The following OLFM3 variants were observed in gnomAD, a reference collection of about 807,000 sequenced individuals.
The protein encoded by OLFM3 is noelin-3.
A neutral mutation model predicts 48.6 loss-of-function variants in OLFM3; 20 were observed. The ratio of observed to expected loss-of-function variants is 0.41; its 90% CI spans 0.29 to 0.60. OLFM3 has a LOEUF of 0.60. Among genes scored for constraint, OLFM3 ranks in the 20% least tolerant of loss-of-function variants. The pLI is 0.28. For missense variants in OLFM3, 437 were observed against 544.3 expected (o/e 0.80, Z 1.96); for synonymous variants, 222 against 198.1 (o/e 1.12, Z -1.01).
intron 1 of OLFM3, among the ~76,000 whole-genome samples, chr1:101,842,069 A>C (rs1445909606): frequency 6.6e-6 from 1 of 152,182 alleles, no homozygotes; most frequent in African/African-American, 2.4e-5. Context: ...GTTCTGGAGG[A>C]TGTTAATAAA....
intron 1 of OLFM3, among the ~76,000 whole-genome samples, chr1:101,944,241 T>C (rs2101062918): frequency 6.6e-6 from 1 of 152,218 alleles, no homozygotes; most frequent in East Asian, 1.9e-4. Flanking sequence ...AATTAAGAGC[T>C]TACTTTACAT....
chr1:101,956,088 T>TGG (rs200570353), intron 1 of OLFM3, among the ~76,000 whole-genome samples: 4,898 of 113,864 alleles, frequency 0.043, 111 homozygotes, highest in South Asian at 0.094. Flanking sequence ...AATAACAGGT[T>TGG]TTTTTTTTTT....
At chr1:101,870,576 C>T (rs1657040418) in intron 1 of OLFM3, among the ~76,000 whole-genome samples, 1 of 152,152 alleles carries the variant, frequency 6.6e-6, no homozygotes, top group African/African-American at 2.4e-5. Context: ...TGCTACGTTT[C>T]TAATGCCTCT....
chr1:101,878,421 G>T (rs191457149), intron 1 of OLFM3, among the ~76,000 whole-genome samples: 1 of 152,032 alleles, frequency 6.6e-6, no homozygotes, highest in Admixed American at 6.6e-5. Context: ...ATTCATATAT[G>T]TTGGGTCACC....
intron 1 of OLFM3, among the ~76,000 whole-genome samples, chr1:101,983,017 T>C (rs895992868): frequency 3.3e-5 from 5 of 152,224 alleles, no homozygotes; most frequent in African/African-American, 1.2e-4. Context: ...TCACCTTGTT[T>C]GGAGTTAAGA....
intron 1 of OLFM3, among the ~76,000 whole-genome samples, chr1:101,888,440 T>C (rs1470231972): frequency 6.6e-6 from 1 of 152,164 alleles, no homozygotes; most frequent in African/African-American, 2.4e-5. Flanking sequence ...GAAAACTGGC[T>C]AGGCATATGT....
intron 4 of OLFM3, among the ~76,000 whole-genome samples, chr1:101,806,973 C>T (rs1653806323): frequency 6.6e-6 from 1 of 151,642 alleles, no homozygotes; most frequent in African/African-American, 2.4e-5. Context: ...AAAGCCAAAA[C>T]CAAACAGAAA....
chr1:101,807,058 C>T lies in OLFM3; in HGVS notation c.593-876G>A, dbSNP rs899452227. Among the ~76,000 whole-genome samples the T allele has an allele frequency of 2.6e-5, 4 of 151,572 alleles. No individual in the cohort carries two copies. The East Asian group carries it at 7.8e-4, about 29-fold the overall frequency. On this transcript the variant is annotated intron_variant, in intron 4 of 5. Coordinates refer to ENST00000370103, the MANE Select transcript of OLFM3 (RefSeq NM_058170.4). ...CTGTATTTTAAAATAATGTTTTTGTCCCTTTACCTGGATTATATTAGTTTG... is the reference window on the plus strand; with the variant it reads ...CTGTATTTTAAAATAATGTTTTTGTTCCTTTACCTGGATTATATTAGTTTG...
intron 4 of OLFM3, among the ~76,000 whole-genome samples, chr1:101,817,615 T>A (rs1654399606): frequency 6.6e-6 from 1 of 152,072 alleles, no homozygotes; most frequent in Non-Finnish European, 1.5e-5. Flanking sequence ...TTTGTTTACA[T>A]ATATATAATT....
At chr1:101,966,701 C>G (rs965544683) in intron 1 of OLFM3, among the ~76,000 whole-genome samples, 2 of 152,132 alleles carry the variant, frequency 1.3e-5, no homozygotes, top group Non-Finnish European at 2.9e-5. Context: ...CCCTAACATT[C>G]TATTTGACAC....
intron 1 of OLFM3, among the ~76,000 whole-genome samples, chr1:101,864,542 G>GT (rs758881784): frequency 6.6e-6 from 1 of 152,116 alleles, no homozygotes; most frequent in Non-Finnish European, 1.5e-5. Context: ...CACAATTACT[G>GT]TTTTTTGTTA....
chr1:101,850,413 TA>T lies in OLFM3; in HGVS notation c.70-13389del, dbSNP rs531348934. On this transcript the variant is annotated intron_variant, in intron 1 of 5. Transcript: ENST00000370103. ...ATATAGTAAATAATAAATAAGCAAA[TA>T]AATATTGAGTGAGAATGACTCATAG... is the stretch of plus-strand genomic sequence containing the variant. 1.8e-3 allele frequency among the ~76,000 whole-genome samples: 277 copies of T among 152,212 alleles called. 3 individuals carry two copies. Among genetic ancestry groups the T allele is most frequent in the African/African-American group, 6.5e-3 (271 of 41,548 alleles).
chr1:101,939,356 T>A (rs546946362), intron 1 of OLFM3, among the ~76,000 whole-genome samples: 9 of 152,322 alleles, frequency 5.9e-5, no homozygotes, highest in East Asian at 3.9e-4. Context: ...GGCTTTTTTT[T>A]AATTCATGTG....
chr1:101,933,321 C>G (rs1659513957), intron 1 of OLFM3, among the ~76,000 whole-genome samples: 1 of 148,044 alleles, frequency 6.8e-6, no homozygotes, highest in South Asian at 2.1e-4. Flanking sequence ...AATACGATCA[C>G]AAGTATTAAC....
intron 1 of OLFM3, among the ~76,000 whole-genome samples, chr1:101,913,685 G>GAA (rs5776609): frequency 2.2e-5 from 3 of 137,272 alleles, no homozygotes; most frequent in African/African-American, 5.3e-5. Flanking sequence ...AAGCCCTACA[G>GAA]AAAAAAAAAA....
chr1:101,852,526 G>C (rs1007263333), intron 1 of OLFM3, among the ~76,000 whole-genome samples: 1 of 151,918 alleles, frequency 6.6e-6, no homozygotes, highest in Non-Finnish European at 1.5e-5. Context: ...TCATCTATAT[G>C]CTAATGATTC....
chr1:101,826,886 T>C (rs1654889576), intron 3 of OLFM3, among the ~76,000 whole-genome samples: 1 of 152,232 alleles, frequency 6.6e-6, no homozygotes, highest in Non-Finnish European at 1.5e-5. Context: ...CATTCTACTA[T>C]GGGCATATTT....
At chr1:101,974,510 C>T (rs111522518) in intron 1 of OLFM3, among the ~76,000 whole-genome samples, 12 of 152,168 alleles carry the variant, frequency 7.9e-5, no homozygotes, top group South Asian at 4.2e-4. Context: ...GACATTGTAA[C>T]GGTGGCTCTT....
chr1:101,942,048 C>T lies in OLFM3; in HGVS notation c.69+54700G>A, dbSNP rs539838789. Among the ~76,000 whole-genome samples the T allele has an allele frequency of 1.4e-3, 217 of 152,176 alleles. 3 individuals carry two copies. The highest frequency in any genetic ancestry group is 4.6e-3 in the African/African-American group (191 of 41,496). ...AGAGATATGAAAACACACCCTAGGA[C>T]GAAGGGATTTTGAACTTAAGTATTT... On this transcript the variant is annotated intron_variant, in intron 1 of 5. Coordinates refer to ENST00000370103, the MANE Select transcript of OLFM3 (RefSeq NM_058170.4).
Sources: gnomAD v4.1 joint callset for allele counts (sites outside exome capture counted in the v4.1 genomes callset) on GRCh38, gnomAD v4.1.1 for gene constraint, MANE v1.5 for transcripts, NCBI Gene and HGNC (gene_info 2026-07-23, HGNC 2026-07-21) for gene names.